FGF12: variants seen among roughly 807,000 people sequenced by gnomAD.
FGF12 encodes fibroblast growth factor 12B.
A neutral mutation model predicts 23.6 loss-of-function variants in FGF12; 14 were observed. The ratio of observed to expected loss-of-function variants is 0.59; its 90% CI spans 0.39 to 0.93. The LOEUF (loss-of-function observed/expected upper bound fraction) is 0.93, where lower values mean the gene tolerates loss of function less well. FGF12 is among the 40% of genes least tolerant of loss of function. FGF12 has a pLI of 0.00. For synonymous variants in FGF12, 62 were observed against 77.3 expected (o/e 0.80, Z 1.04); for missense variants, 175 against 217.8 (o/e 0.80, Z 1.24).
chr3:192,566,959 C>G (rs1712323208), intron 2 of FGF12, among the ~76,000 whole-genome samples: 1 of 152,154 alleles, frequency 6.6e-6, no homozygotes, highest in Non-Finnish European at 1.5e-5. Flanking sequence ...CGTCTATTCT[C>G]TATTGAGTTC....
At chr3:192,202,316 G>T (rs1329681655) in intron 4 of FGF12, among the ~76,000 whole-genome samples, 1 of 152,162 alleles carries the variant, frequency 6.6e-6, no homozygotes, top group Non-Finnish European at 1.5e-5. Context: ...TCTAAACAGA[G>T]TTTTGATGTC....
intron 2 of FGF12, among the ~76,000 whole-genome samples, chr3:192,459,818 T>C (rs1369130345): frequency 6.6e-6 from 1 of 151,580 alleles, no homozygotes; most frequent in African/African-American, 2.4e-5. Context: ...TGAAAAGAAA[T>C]CTTTCCTGCA....
chr3:192,693,138 T>C (rs1367615560), intron 2 of FGF12, among the ~76,000 whole-genome samples: 1 of 151,992 alleles, frequency 6.6e-6, no homozygotes, highest in Non-Finnish European at 1.5e-5. Flanking sequence ...ATCTTTACAC[T>C]AAATATTACC....
At chr3:192,171,327 T>G (rs933082749) in intron 4 of FGF12, among the ~76,000 whole-genome samples, 1 of 152,184 alleles carries the variant, frequency 6.6e-6, no homozygotes, top group African/African-American at 2.4e-5. Flanking sequence ...AGTTCTAGTC[T>G]CAGAAGAAAC....
At chr3:192,598,624 A>G (rs1191877685) in intron 2 of FGF12, among the ~76,000 whole-genome samples, 1 of 152,198 alleles carries the variant, frequency 6.6e-6, no homozygotes, top group African/African-American at 2.4e-5. Context: ...CAGGTTCTGC[A>G]TCAGTAGGCC....
intron 2 of FGF12, among the ~76,000 whole-genome samples, chr3:192,401,003 T>C (rs1720738539): frequency 6.6e-6 from 1 of 152,234 alleles, no homozygotes; most frequent in Admixed American, 6.5e-5. Context: ...AGCTTTGTGC[T>C]TATGTAGTTT....
At chr3:192,653,871 T>C (rs932299357) in intron 2 of FGF12, among the ~76,000 whole-genome samples, 2 of 152,098 alleles carry the variant, frequency 1.3e-5, no homozygotes, top group Non-Finnish European at 2.9e-5. Flanking sequence ...CAAGCCACCA[T>C]GCATGGCTAA....
intron 2 of FGF12, among the ~76,000 whole-genome samples, chr3:192,626,298 T>G (rs1560173610): frequency 6.6e-6 from 1 of 152,236 alleles, no homozygotes; most frequent in Non-Finnish European, 1.5e-5. Context: ...AATTATCTAC[T>G]ACCAAAATTA....
At chr3:192,467,057 T>A (rs1162158368) in intron 2 of FGF12, among the ~76,000 whole-genome samples, 2 of 152,170 alleles carry the variant, frequency 1.3e-5, no homozygotes, top group African/African-American at 4.8e-5. Context: ...ATTTTTAGGT[T>A]TTTTCTTAAT....
intron 4 of FGF12, among the ~76,000 whole-genome samples, chr3:192,227,233 T>A (rs2108579605): frequency 6.6e-6 from 1 of 152,300 alleles, no homozygotes; most frequent in East Asian, 1.9e-4. Flanking sequence ...TTCCTCATAC[T>A]GCTATCAGCA....
chr3:192,284,133 T>A (rs993087877), intron 4 of FGF12, among the ~76,000 whole-genome samples: 5 of 151,996 alleles, frequency 3.3e-5, no homozygotes, highest in Non-Finnish European at 7.4e-5. Context: ...AAACTGTACT[T>A]TGCTCCCCAT....
At chr3:192,473,264 C>T (rs565409367) in intron 2 of FGF12, among the ~76,000 whole-genome samples, 3 of 152,180 alleles carry the variant, frequency 2.0e-5, no homozygotes, top group Admixed American at 2.0e-4. Flanking sequence ...TTTGACCTAA[C>T]CTTCAGAATG....
intron 2 of FGF12, among the ~76,000 whole-genome samples, chr3:192,702,430 G>A (rs1470177612): frequency 6.6e-6 from 1 of 152,186 alleles, no homozygotes; most frequent in Non-Finnish European, 1.5e-5. Flanking sequence ...CCTACATTAT[G>A]TAAGTTGAAA....
At chr3:192,380,200 C>T (rs1167770356) in intron 2 of FGF12, among the ~76,000 whole-genome samples, 1 of 152,160 alleles carries the variant, frequency 6.6e-6, no homozygotes, top group Non-Finnish European at 1.5e-5. Flanking sequence ...GTCCAAGTTT[C>T]CCTTCCTTGT....
At chr3:192,456,962 C>T (rs1334898635) in intron 2 of FGF12, among the ~76,000 whole-genome samples, 1 of 152,142 alleles carries the variant, frequency 6.6e-6, no homozygotes, top group African/African-American at 2.4e-5. Context: ...GGGAGGGACC[C>T]AGTGGGAAAT....
At chr3:192,378,820 G>C (rs533678614) in intron 2 of FGF12, among the ~76,000 whole-genome samples, 1 of 152,142 alleles carries the variant, frequency 6.6e-6, no homozygotes, top group South Asian at 2.1e-4. Flanking sequence ...GTAAACTCAT[G>C]GATTGGGGGG....
chr3:192,168,971 T>C (rs965702363), intron 5 of FGF12, among the ~76,000 whole-genome samples: 1 of 152,088 alleles, frequency 6.6e-6, no homozygotes, highest in Non-Finnish European at 1.5e-5. Flanking sequence ...CAAAGACTAA[T>C]AGACATTTTC....
At chr3:192,298,298 T>C (rs192234833) in intron 4 of FGF12, among the ~76,000 whole-genome samples, 4 of 152,298 alleles carry the variant, frequency 2.6e-5, no homozygotes, top group African/African-American at 7.2e-5. Context: ...ACTAGAGATA[T>C]ATAGGTAAGT....
At chr3:192,608,166 G>C (rs1382248951) in intron 2 of FGF12, among the ~76,000 whole-genome samples, 1 of 152,078 alleles carries the variant, frequency 6.6e-6, no homozygotes, top group African/African-American at 2.4e-5. Context: ...TGGGGGCAGT[G>C]GGAAGTGATG....
Sources: gnomAD v4.1 joint callset for allele counts (sites outside exome capture counted in the v4.1 genomes callset) on GRCh38, gnomAD v4.1.1 for gene constraint, MANE v1.5 for transcripts, NCBI Gene and HGNC (gene_info 2026-07-23, HGNC 2026-07-21) for gene names.